Variants in CFAP47 observed in about 807,000 individuals in gnomAD.
CFAP47 encodes the protein cilia and flagella associated protein 47, also known as cilia- and flagella-associated protein 47.
In CFAP47, 29 loss-of-function variants were observed where a neutral mutation model predicts 148.1. The observed-to-expected ratio is 0.20, with a 90% CI of 0.15 to 0.27. The LOEUF is 0.27. CFAP47 is among the 10% of genes least tolerant of loss of function. The probability of loss-of-function intolerance (pLI) is 1.00; values close to 1 mark genes in which losing one functional copy is unlikely to be tolerated. For synonymous variants in CFAP47, 664 were observed against 577.3 expected (o/e 1.15, Z -2.15); for missense variants, 1,872 against 1,697.5 (o/e 1.10, Z -1.81).
chrX:36,188,749 A>G (rs1240798671), intron 41 of CFAP47, 59 bp downstream of exon 41: 1 of 291,882 alleles, frequency 3.4e-6, no homozygotes, highest in Non-Finnish European at 6.0e-6. Context: ...TATGCAAAGC[A>G]TAATATGAAA....
At chrX:36,349,661 AG>A (rs1403727423) in intron 58 of CFAP47, among the ~76,000 whole-genome samples, 1 of 112,011 alleles carries the variant, frequency 8.9e-6, no homozygotes, top group Non-Finnish European at 1.9e-5. Flanking sequence ...ATCCTCCAAA[AG>A]TAAATGCCTC....
intron 59 of CFAP47, among the ~76,000 whole-genome samples, chrX:36,352,664 T>C (rs1168954110): frequency 9.1e-6 from 1 of 110,302 alleles, no homozygotes; most frequent in African/African-American, 3.3e-5. Context: ...CTTATTTATG[T>C]GGACTCCAGT....
chrX:35,970,730 A>G (rs1296454089), intron 10 of CFAP47, 38 bp from the exon 11 acceptor site: 1 of 1,057,388 alleles, frequency 9.5e-7, no homozygotes, highest in African/African-American at 1.9e-5. Context: ...GAACAAATGC[A>G]TATATAAAAA....
chrX:35,943,045 A>G (rs1174686194), intron 3 of CFAP47, among the ~76,000 whole-genome samples: 1 of 111,446 alleles, frequency 9.0e-6, no homozygotes, highest in African/African-American at 3.2e-5. Context: ...CTTGGAATCA[A>G]ATCAGATTAT....
chrX:36,128,001 G>A (rs1391617991), intron 33 of CFAP47, among the ~76,000 whole-genome samples: 2 of 110,763 alleles, frequency 1.8e-5, no homozygotes, highest in African/African-American at 3.3e-5. Context: ...GGGCCGAGAC[G>A]ATGGGGTTTT....
At chrX:35,975,943 C>A in intron 15 of CFAP47, 30 bp downstream of exon 15, 1 of 1,190,646 alleles carries the variant, frequency 8.4e-7, no homozygotes, top group Non-Finnish European at 1.1e-6. Context: ...TTGATTTAGA[C>A]ATTTATTTTT....
intron 25 of CFAP47, among the ~76,000 whole-genome samples, chrX:36,041,277 T>C (rs1937401232): frequency 9.0e-6 from 1 of 110,966 alleles, no homozygotes; most frequent in Non-Finnish European, 1.9e-5. Context: ...AGTTAAATAA[T>C]ATTAGAAATA....
At chrX:36,247,298 G>T (rs1280538115) in intron 48 of CFAP47, among the ~76,000 whole-genome samples, 3 of 110,951 alleles carry the variant, frequency 2.7e-5, no homozygotes, top group Non-Finnish European at 5.7e-5. Context: ...GAGGGGGCAT[G>T]TGTTGAAAAG....
At chrX:36,209,092 TTTTG>T (rs782559525) in intron 45 of CFAP47, among the ~76,000 whole-genome samples, 6 of 112,443 alleles carry the variant, frequency 5.3e-5, no homozygotes, top group South Asian at 7.3e-4. Context: ...AAAAAATAAA[TTTTG>T]TTTAACAGAA....
chrX:36,366,100 T>A (rs1556020211), intron 61 of CFAP47, among the ~76,000 whole-genome samples: 1 of 111,797 alleles, frequency 8.9e-6, no homozygotes, highest in Non-Finnish European at 1.9e-5. Context: ...TACTATCCAG[T>A]TGCTCACAAA....
At chrX:36,004,657 A>G (rs1047354585) in intron 21 of CFAP47, among the ~76,000 whole-genome samples, 1 of 109,624 alleles carries the variant, frequency 9.1e-6, no homozygotes, top group African/African-American at 3.3e-5. Flanking sequence ...ACTAGATAAA[A>G]GAGAGTACAT....
chrX:36,295,957 G>A, intron 51 of CFAP47, among the ~76,000 whole-genome samples: 1 of 111,857 alleles, frequency 8.9e-6, no homozygotes, highest in East Asian at 2.8e-4. Context: ...TTTCTATTGA[G>A]TCTTGCTATT....
chrX:36,223,194 C>T (rs1219356179), intron 45 of CFAP47, among the ~76,000 whole-genome samples: 2 of 110,853 alleles, frequency 1.8e-5, no homozygotes, highest in Non-Finnish European at 3.8e-5. Flanking sequence ...CTTACAGAAC[C>T]GTGAGCAAAT....
intron 8 of CFAP47, 75 bp from the exon 9 acceptor site, chrX:35,966,490 G>GT (rs369786485): frequency 0.01 from 5,881 of 587,855 alleles, no homozygotes; most frequent in Non-Finnish European, 0.011. Flanking sequence ...TTATTAACTG[G>GT]TTTTTTTTTT....
rs781930118 is a variant in CFAP47 at position 36,384,848 on chromosome X, G to T, written c.9406G>T (p.Val3136Leu). The T allele has an allele frequency of 8.6e-7, 1 of 1,164,783 alleles. No homozygotes were observed. The highest frequency in any genetic ancestry group is 1.1e-6 in the Non-Finnish European group (1 of 872,063). The change falls in exon 64 of 64, where the codon GTG (valine) becomes TTG (leucine). Residue 3136 changes from valine to leucine, a missense_variant. Coordinates refer to ENST00000378653, the MANE Select transcript of CFAP47 (RefSeq NM_001304548.2). ...GATCAATGGATTAACTCCAACTACCGTGCCACCAAAAAATGCAAAAGCCAA... is the reference window on the plus strand; with the variant it reads ...GATCAATGGATTAACTCCAACTACCTTGCCACCAAAAAATGCAAAAGCCAA... ...YEINGLTPTTVPPKNAKAKID... is the reference protein window; with the variant it reads ...YEINGLTPTTLPPKNAKAKID...
chrX:36,362,592 C>T (rs1556019470), intron 61 of CFAP47, among the ~76,000 whole-genome samples: 1 of 106,306 alleles, frequency 9.4e-6, no homozygotes, highest in African/African-American at 3.8e-5. Flanking sequence ...TGATGGCCAC[C>T]TAGGTTGATT....
At chrX:36,264,794 G>A (rs1292448056) in intron 49 of CFAP47, among the ~76,000 whole-genome samples, 1 of 111,890 alleles carries the variant, frequency 8.9e-6, no homozygotes, top group African/African-American at 3.3e-5. Flanking sequence ...ATTGTTGCAG[G>A]GGAGATAATC....
At chrX:36,213,552 C>T (rs1940126482) in intron 45 of CFAP47, among the ~76,000 whole-genome samples, 1 of 111,968 alleles carries the variant, frequency 8.9e-6, no homozygotes, top group Admixed American at 9.5e-5. Context: ...ACTTGCACAG[C>T]ATAATGCCAC....
At chrX:36,102,136 A>G (rs1261061691) in intron 32 of CFAP47, among the ~76,000 whole-genome samples, 1 of 112,039 alleles carries the variant, frequency 8.9e-6, no homozygotes, top group Non-Finnish European at 1.9e-5. Flanking sequence ...AATCTTTAAC[A>G]AAAATGAAAG....
Sources: allele counts gnomAD v4.1 joint callset (sites outside exome capture counted in the v4.1 genomes callset), GRCh38; gene constraint gnomAD v4.1.1; transcripts MANE v1.5; gene names NCBI Gene and HGNC (gene_info 2026-07-23, HGNC 2026-07-21).